Variants in APBA1 observed in about 807,000 individuals in gnomAD.
The protein encoded by APBA1 is amyloid-beta A4 precursor protein-binding family A member 1.
In APBA1, 55 loss-of-function variants were observed where a neutral mutation model predicts 86.6. The ratio of observed to expected loss-of-function variants is 0.64; its 90% CI spans 0.51 to 0.80. APBA1 has a LOEUF of 0.80. APBA1 is among the 30% of genes least tolerant of loss of function. APBA1 has a pLI of 0.00. For synonymous variants in APBA1, 511 were observed against 493.9 expected, an observed-to-expected ratio of 1.03 and a Z score of -0.46; for missense variants, 1,090 against 1,183.0, an observed-to-expected ratio of 0.92 and a Z score of 1.15.
intron 1 of APBA1, among the ~76,000 whole-genome samples, chr9:69,563,335 T>TCAC (rs1836976189): frequency 2.0e-5 from 3 of 151,778 alleles, no homozygotes; most frequent in Admixed American, 2.0e-4. Context: ...CTACTAAATT[T>TCAC]CTCTACTTTT....
chr9:69,612,521 T>C (rs1300133591), intron 1 of APBA1, among the ~76,000 whole-genome samples: 1 of 152,014 alleles, frequency 6.6e-6, no homozygotes, highest in East Asian at 1.9e-4. Flanking sequence ...ATATATTGGG[T>C]GTATTAAACA....
intron 8 of APBA1, among the ~76,000 whole-genome samples, chr9:69,453,783 G>A (rs1757960): frequency 0.41 from 61,935 of 152,194 alleles, 13,010 homozygotes; most frequent in East Asian, 0.49. Context: ...TAAGATTCAT[G>A]GTAAGCTAGA....
At chr9:69,459,368 T>C (rs1237369429) in intron 5 of APBA1, among the ~76,000 whole-genome samples, 1 of 152,242 alleles carries the variant, frequency 6.6e-6, no homozygotes, top group Non-Finnish European at 1.5e-5. Flanking sequence ...TAATCTCTTG[T>C]TCCATCATTT....
chr9:69,533,671 A>G (rs1836465694), intron 1 of APBA1, among the ~76,000 whole-genome samples: 1 of 152,202 alleles, frequency 6.6e-6, no homozygotes, highest in African/African-American at 2.4e-5. Context: ...AAGGACTCTA[A>G]GAGTTGTTAT....
intron 11 of APBA1, among the ~76,000 whole-genome samples, chr9:69,439,962 G>T (rs1834782242): frequency 6.6e-6 from 1 of 152,106 alleles, no homozygotes; most frequent in South Asian, 2.1e-4. Context: ...TGGGTTTTTG[G>T]TTTGGATGTC....
chr9:69,616,050 G>C (rs1335558549), intron 1 of APBA1, among the ~76,000 whole-genome samples: 3 of 152,136 alleles, frequency 2.0e-5, no homozygotes, highest in Admixed American at 6.5e-5. Context: ...CACTTAGCAG[G>C]ATAATGACGT....
At chr9:69,572,747 T>G (rs1284755820) in intron 1 of APBA1, among the ~76,000 whole-genome samples, 1 of 152,182 alleles carries the variant, frequency 6.6e-6, no homozygotes, top group Admixed American at 6.5e-5. Context: ...CTCCTCCACA[T>G]GAGAGCTGTG....
chr9:69,590,357 C>T (rs2133964345), intron 1 of APBA1, among the ~76,000 whole-genome samples: 1 of 152,288 alleles, frequency 6.6e-6, no homozygotes, highest in South Asian at 2.1e-4. Context: ...ATCCTGTGGA[C>T]ATGGGAGACT....
At chr9:69,659,450 G>A (rs1823707986) in intron 1 of APBA1, among the ~76,000 whole-genome samples, 1 of 152,146 alleles carries the variant, frequency 6.6e-6, no homozygotes, top group Non-Finnish European at 1.5e-5. Context: ...CACATGAGAA[G>A]CTGCAGACGG....
intron 10 of APBA1, among the ~76,000 whole-genome samples, chr9:69,449,118 T>C (rs187588949): frequency 1.9e-4 from 29 of 152,228 alleles, no homozygotes; most frequent in African/African-American, 7.0e-4. Context: ...GAGGACAAAC[T>C]CACCTGCATC....
At chr9:69,446,508 C>T (rs1273518905) in intron 10 of APBA1, among the ~76,000 whole-genome samples, 1 of 152,192 alleles carries the variant, frequency 6.6e-6, no homozygotes, top group Non-Finnish European at 1.5e-5. Context: ...CATCAAAGTT[C>T]AGCTCCTCAA....
chr9:69,657,202 A>C (rs576759038), intron 1 of APBA1, among the ~76,000 whole-genome samples: 1 of 152,350 alleles, frequency 6.6e-6, no homozygotes, highest in East Asian at 1.9e-4. Flanking sequence ...AAGAGAAGAC[A>C]AGTCTGTTAA....
At chr9:69,458,123 A>G (rs772958318) in intron 6 of APBA1, 33 bp downstream of exon 6, 2 of 1,581,784 alleles carry the variant, frequency 1.3e-6, no homozygotes, top group South Asian at 1.2e-5. Context: ...GAACAGGCAT[A>G]ACACCAAGCT....
intron 2 of APBA1, among the ~76,000 whole-genome samples, chr9:69,511,082 TA>T (rs1836029024): frequency 6.6e-6 from 1 of 151,836 alleles, no homozygotes; most frequent in Non-Finnish European, 1.5e-5. Flanking sequence ...GGGATCTAAT[TA>T]AACTAAAGAG....
At chr9:69,654,794 G>A (rs1823576142) in intron 1 of APBA1, among the ~76,000 whole-genome samples, 1 of 152,152 alleles carries the variant, frequency 6.6e-6, no homozygotes, top group African/African-American at 2.4e-5. Context: ...GAATATAGAT[G>A]CAATAATCTT....
intron 1 of APBA1, among the ~76,000 whole-genome samples, chr9:69,649,451 G>A (rs898326632): frequency 3.8e-4 from 57 of 151,972 alleles, no homozygotes; most frequent in African/African-American, 1.2e-3. Context: ...TTACCCCCTA[G>A]AGTCACTTTC....
chr9:69,456,061 T>G (rs564459709), intron 8 of APBA1, among the ~76,000 whole-genome samples, 186 bp downstream of exon 8: 1 of 152,338 alleles, frequency 6.6e-6, no homozygotes, highest in South Asian at 2.1e-4. Context: ...TCTGCCTCCT[T>G]TCAGCCCTTG....
chr9:69,624,593 A>T (rs1588398848), intron 1 of APBA1, among the ~76,000 whole-genome samples: 1 of 152,094 alleles, frequency 6.6e-6, no homozygotes, highest in Admixed American at 6.6e-5. Flanking sequence ...TCTCACTCTC[A>T]CCTGAATTAG....
chr9:69,499,655 T>G, intron 2 of APBA1, among the ~76,000 whole-genome samples: 1 of 126,520 alleles, frequency 7.9e-6, no homozygotes. Flanking sequence ...AGTAGTTTCC[T>G]AGCAACGGTC....
Sources: allele counts gnomAD v4.1 joint callset (sites outside exome capture counted in the v4.1 genomes callset), GRCh38; gene constraint gnomAD v4.1.1; transcripts MANE v1.5; gene names NCBI Gene and HGNC (gene_info 2026-07-23, HGNC 2026-07-21).